The following ICA1L variants were observed in gnomAD, a reference collection of about 807,000 sequenced individuals.
ICA1L encodes islet cell autoantigen 1-like protein.
ICA1L carries 50 observed loss-of-function variants against 61.3 expected under a neutral mutation model. The ratio of observed to expected loss-of-function variants is 0.82; its 90% CI spans 0.65 to 1.03. ICA1L has a LOEUF of 1.03. Among genes scored for constraint, ICA1L ranks in the 50% least tolerant of loss-of-function variants. ICA1L has a pLI of 0.00. For missense variants in ICA1L, 508 were observed against 556.7 expected (o/e 0.91, Z 0.88); for synonymous variants, 161 against 191.3 (o/e 0.84, Z 1.31).
intron 1 of ICA1L, among the ~76,000 whole-genome samples, chr2:202,857,546 C>T (rs1333599928): frequency 6.6e-6 from 1 of 152,002 alleles, no homozygotes; most frequent in Non-Finnish European, 1.5e-5. Context: ...AGGCAATAAC[C>T]TTCAGGACAT....
chr2:202,866,646 T>C (rs1020785922), intron 1 of ICA1L, among the ~76,000 whole-genome samples: 5 of 152,124 alleles, frequency 3.3e-5, no homozygotes, highest in African/African-American at 1.2e-4. Context: ...AAATGTAAAA[T>C]TTAAAACTGT....
At chr2:202,796,300 TA>T (rs1387739389) in intron 10 of ICA1L, among the ~76,000 whole-genome samples, 1 of 152,148 alleles carries the variant, frequency 6.6e-6, no homozygotes, top group African/African-American at 2.4e-5. Flanking sequence ...TTAAAAGCTT[TA>T]AAAAAATTTT....
chr2:202,851,079 T>C (rs934237616), intron 1 of ICA1L, among the ~76,000 whole-genome samples: 2 of 152,060 alleles, frequency 1.3e-5, no homozygotes, highest in African/African-American at 4.8e-5. Context: ...GTTACATATG[T>C]ATACATGTGC....
rs1239554577 is a variant in ICA1L, at chr2:202,778,615, A to G, written c.*918T>C. 2 of 152,428 alleles carry G rather than the reference A, an allele frequency of 1.3e-5. No individual in the cohort carries two copies. The highest frequency in any genetic ancestry group is 4.8e-5 in the African/African-American group (2 of 41,458). The allele number at this position is 152,428 out of a possible 1,614,324, so 9.4% of individuals were successfully genotyped here. ...GTTCATAAGTGTCTCCCTCATTCAG[A>G]TAGAAATTTCTAGGTATTTCAGGAA... On this transcript the variant is annotated 3_prime_UTR_variant, in exon 13 of 13. Coordinates refer to ENST00000358299, the MANE Select transcript of ICA1L (RefSeq NM_001288622.3).
In ICA1L at chr2:202,785,917, C is replaced by T. The variant is rs190403343; in HGVS notation, c.1333+1G>A. ...AAAGAATATATAAATAAATAACTTA[C>T]ATCTTGTTAATTTCTTTGGACTCTG... On this transcript the variant is annotated splice_donor_variant, in intron 12 of 12. Transcript: ENST00000358299. LOFTEE classifies it high-confidence loss of function. The T allele has an allele frequency of 1.3e-6, 2 of 1,501,318 alleles. No homozygotes were observed. Among genetic ancestry groups the T allele is most frequent in the East Asian group, 2.3e-5 (1 of 44,058 alleles). The allele number at this position is 1,501,318 out of a possible 1,614,324, so 93.0% of individuals were successfully genotyped here.
chr2:202,839,918 C>T (rs374600255), intron 1 of ICA1L, among the ~76,000 whole-genome samples: 1 of 151,998 alleles, frequency 6.6e-6, no homozygotes, highest in East Asian at 1.9e-4. Flanking sequence ...ATAGTTATAA[C>T]AGGCTATGTT....
At chr2:202,796,731 A>C (rs1692937647) in intron 10 of ICA1L, among the ~76,000 whole-genome samples, 159 bp downstream of exon 10, 1 of 152,212 alleles carries the variant, frequency 6.6e-6, no homozygotes, top group Non-Finnish European at 1.5e-5. Flanking sequence ...TAAAACAAAT[A>C]ATTATTTAAT....
intron 6 of ICA1L, 103 bp downstream of exon 6, chr2:202,817,315 A>G (rs1206182745): frequency 1.2e-5 from 13 of 1,075,658 alleles, no homozygotes; most frequent in Non-Finnish European, 1.7e-5. Flanking sequence ...AAGTCAAAGG[A>G]ATCTAATCAT....
chr2:202,818,280 T>C (rs994474833), intron 5 of ICA1L, among the ~76,000 whole-genome samples: 3 of 152,128 alleles, frequency 2.0e-5, no homozygotes, highest in African/African-American at 7.2e-5. Flanking sequence ...AGAAAGATGA[T>C]GAGCAGGCTA....
At chr2:202,848,335 A>G (rs1290487346) in intron 1 of ICA1L, among the ~76,000 whole-genome samples, 1 of 152,182 alleles carries the variant, frequency 6.6e-6, no homozygotes, top group East Asian at 1.9e-4. Context: ...ACCTATAAAA[A>G]CAGCAATTGC....
chr2:202,862,384 T>C (rs1354424301), intron 1 of ICA1L, among the ~76,000 whole-genome samples: 1 of 143,056 alleles, frequency 7.0e-6, no homozygotes, highest in Non-Finnish European at 1.5e-5. Flanking sequence ...GCCCAGGAAG[T>C]GTGAGGCTGC....
chr2:202,805,567 C>G (rs1436271925), intron 9 of ICA1L, among the ~76,000 whole-genome samples: 2 of 151,884 alleles, frequency 1.3e-5, no homozygotes, highest in African/African-American at 2.4e-5. Flanking sequence ...AAGACAACAA[C>G]AACAACAACA....
intron 2 of ICA1L, among the ~76,000 whole-genome samples, chr2:202,827,394 A>G (rs1314871884): frequency 6.7e-6 from 1 of 149,166 alleles, no homozygotes; most frequent in Non-Finnish European, 1.5e-5. Flanking sequence ...CTCCATCTCA[A>G]AAAAAAAAAA....
chr2:202,845,253 G>A (rs996688202), intron 1 of ICA1L, among the ~76,000 whole-genome samples: 1 of 152,218 alleles, frequency 6.6e-6, no homozygotes, highest in East Asian at 1.9e-4. Context: ...GACATCTTTG[G>A]AAGGCCATTA....
intron 12 of ICA1L, among the ~76,000 whole-genome samples, chr2:202,780,789 T>C (rs991459740): frequency 1.3e-5 from 2 of 152,150 alleles, no homozygotes; most frequent in Admixed American, 6.5e-5. Context: ...TGAAGTAGTA[T>C]CAGTGATAAC....
At chr2:202,858,972 T>C (rs1302190148) in intron 1 of ICA1L, among the ~76,000 whole-genome samples, 1 of 152,234 alleles carries the variant, frequency 6.6e-6, no homozygotes, top group Non-Finnish European at 1.5e-5. Flanking sequence ...GGTGGATGGC[T>C]ATATCATATA....
chr2:202,841,549 G>A, intron 1 of ICA1L: 1 of 712,830 alleles, frequency 1.4e-6, no homozygotes, highest in South Asian at 1.4e-5. Flanking sequence ...GGTTAAGGGG[G>A]CTCAGCAGGC....
chr2:202,845,408 C>T (rs1256895631), intron 1 of ICA1L, among the ~76,000 whole-genome samples: 6 of 152,128 alleles, frequency 3.9e-5, no homozygotes, highest in African/African-American at 1.4e-4. Flanking sequence ...GGGTGAATTA[C>T]TTGAGGCCAG....
chr2:202,869,226 C>T (rs921513058), intron 1 of ICA1L, among the ~76,000 whole-genome samples: 16 of 151,856 alleles, frequency 1.1e-4, no homozygotes, highest in Admixed American at 8.5e-4. Context: ...GGCGTGGTGG[C>T]GGGCGCCTGT....
Sources: gnomAD v4.1 joint callset for allele counts (sites outside exome capture counted in the v4.1 genomes callset) on GRCh38, gnomAD v4.1.1 for gene constraint, MANE v1.5 for transcripts, NCBI Gene and HGNC (gene_info 2026-07-23, HGNC 2026-07-21) for gene names.